The following KCNIP4 variants were observed in gnomAD, a reference collection of about 807,000 sequenced individuals.
KCNIP4 encodes potassium voltage-gated channel interacting protein 4, also known as Kv channel-interacting protein 4.
KCNIP4 carries 12 observed loss-of-function variants against 34.0 expected under a neutral mutation model. The observed-to-expected ratio is 0.35, with a 90% CI of 0.23 to 0.57. The LOEUF (loss-of-function observed/expected upper bound fraction) is 0.57, where lower values mean the gene tolerates loss of function less well. Among genes scored for constraint, KCNIP4 ranks in the 20% least tolerant of loss-of-function variants. The probability of loss-of-function intolerance (pLI) is 0.83; values close to 1 mark genes in which losing one functional copy is unlikely to be tolerated. For synonymous variants in KCNIP4, 124 were observed against 102.2 expected, an observed-to-expected ratio of 1.21 and a Z score of -1.29; for missense variants, 238 against 311.7, an observed-to-expected ratio of 0.76 and a Z score of 1.78.
intron 3 of KCNIP4, among the ~76,000 whole-genome samples, chr4:20,789,710 T>A (rs1190355149): frequency 6.6e-6 from 1 of 151,520 alleles, no homozygotes; most frequent in Non-Finnish European, 1.5e-5. Flanking sequence ...CAGGTTAGTT[T>A]TCCTGGCTGC....
chr4:21,724,372 G>GA (rs33946282), intron 1 of KCNIP4, among the ~76,000 whole-genome samples: 13,590 of 151,966 alleles, frequency 0.089, 2,045 homozygotes, highest in African/African-American at 0.31. Context: ...AATATTGTGG[G>GA]AAAAAAGTTA....
chr4:21,146,405 GAAAA>G (rs5856606), intron 1 of KCNIP4, among the ~76,000 whole-genome samples: 2 of 149,616 alleles, frequency 1.3e-5, no homozygotes, highest in African/African-American at 4.9e-5. Flanking sequence ...TCAAAAAAAA[GAAAA>G]AAAAAAGTGG....
At chr4:21,190,022 G>T (rs1027712589) in intron 1 of KCNIP4, among the ~76,000 whole-genome samples, 4 of 152,062 alleles carry the variant, frequency 2.6e-5, no homozygotes, top group South Asian at 2.1e-4. Context: ...AAGAAACAGG[G>T]TTTTTTTCAG....
At chr4:21,039,085 C>T (rs753516293) in intron 1 of KCNIP4, among the ~76,000 whole-genome samples, 6 of 152,080 alleles carry the variant, frequency 3.9e-5, no homozygotes, top group Non-Finnish European at 5.9e-5. Flanking sequence ...AGAGGCTGGG[C>T]GCGGTGGCTC....
At chr4:21,797,657 CT>C (rs1720711027) in intron 1 of KCNIP4, among the ~76,000 whole-genome samples, 1 of 152,038 alleles carries the variant, frequency 6.6e-6, no homozygotes, top group African/African-American at 2.4e-5. Flanking sequence ...TTTTGTTTCA[CT>C]TTTTTACTGG....
chr4:20,765,461 G>T (rs146937563), intron 3 of KCNIP4, among the ~76,000 whole-genome samples: 18 of 152,268 alleles, frequency 1.2e-4, no homozygotes, highest in Non-Finnish European at 2.4e-4. Context: ...ATTGTGCATT[G>T]TAGCTTGAGA....
intron 1 of KCNIP4, among the ~76,000 whole-genome samples, chr4:21,427,784 G>A (rs1226513295): frequency 1.3e-5 from 2 of 152,124 alleles, no homozygotes; most frequent in African/African-American, 4.8e-5. Flanking sequence ...AATGAATTTC[G>A]AGGAAGAGTT....
chr4:21,284,454 A>C (rs1192417125), intron 1 of KCNIP4, among the ~76,000 whole-genome samples: 1 of 152,188 alleles, frequency 6.6e-6, no homozygotes, highest in Non-Finnish European at 1.5e-5. Context: ...AATGAAGTTA[A>C]ATCAACTGAC....
chr4:20,818,918 CTCT>C (rs1560488280), intron 3 of KCNIP4, among the ~76,000 whole-genome samples: 1 of 134,932 alleles, frequency 7.4e-6, no homozygotes, highest in East Asian at 2.1e-4. Context: ...TATATATTAT[CTCT>C]TTTTTTTTTT....
chr4:21,230,008 G>A (rs2109018817), intron 1 of KCNIP4, among the ~76,000 whole-genome samples: 1 of 152,240 alleles, frequency 6.6e-6, no homozygotes, highest in Non-Finnish European at 1.5e-5. Flanking sequence ...AATCTTATTT[G>A]GAAATAGGGT....
chr4:21,628,119 T>C (rs923220628), intron 1 of KCNIP4, among the ~76,000 whole-genome samples: 1 of 152,152 alleles, frequency 6.6e-6, no homozygotes, highest in African/African-American at 2.4e-5. Context: ...TTACTTTACC[T>C]CATTTCAAAT....
At chr4:21,921,445 T>G (rs1201956953) in intron 1 of KCNIP4, among the ~76,000 whole-genome samples, 1 of 152,214 alleles carries the variant, frequency 6.6e-6, no homozygotes, top group Non-Finnish European at 1.5e-5. Context: ...TCCCAATCTC[T>G]ACTCTAAAAT....
chr4:21,722,835 C>T (rs1262749605), intron 1 of KCNIP4, among the ~76,000 whole-genome samples: 6 of 152,040 alleles, frequency 3.9e-5, no homozygotes, highest in Non-Finnish European at 7.4e-5. Context: ...TATTTTTGTG[C>T]CACTCTATGG....
rs534537886 is a variant in KCNIP4, at chr4:21,279,040, T to C, written c.62-396331A>G. On this transcript the variant is annotated intron_variant, in intron 1 of 8. Coordinates refer to ENST00000382152, the MANE Select transcript of KCNIP4 (RefSeq NM_025221.6). ...GAGAGGATAATCCTCATGTTCCATA[T>C]GTGGAAGACAGGTAATACCTGAAAT... Among the ~76,000 whole-genome samples, 93 of 152,266 alleles carry C rather than the reference T, an allele frequency of 6.1e-4. 1 individual carries two copies. In the South Asian group the frequency reaches 0.019, roughly 31 times the overall value.
intron 5 of KCNIP4, among the ~76,000 whole-genome samples, chr4:20,745,969 C>T (rs1390673551): frequency 1.3e-5 from 2 of 152,144 alleles, no homozygotes; most frequent in African/African-American, 2.4e-5. Flanking sequence ...AAGACTGTGG[C>T]GATTCCTCAA....
intron 5 of KCNIP4, among the ~76,000 whole-genome samples, chr4:20,742,798 T>C (rs1751459906): frequency 6.6e-6 from 1 of 152,126 alleles, no homozygotes; most frequent in African/African-American, 2.4e-5. Flanking sequence ...GATGACATGA[T>C]TGTATATTTA....
chr4:21,082,368 A>G (rs1746075253), intron 1 of KCNIP4, among the ~76,000 whole-genome samples: 1 of 151,782 alleles, frequency 6.6e-6, no homozygotes, highest in South Asian at 2.1e-4. Context: ...AGAACACCCC[A>G]GAGAATTTCT....
intron 1 of KCNIP4, among the ~76,000 whole-genome samples, chr4:20,924,729 C>G (rs1729729454): frequency 6.6e-6 from 1 of 152,144 alleles, no homozygotes; most frequent in Admixed American, 6.5e-5. Flanking sequence ...AATTTATCAT[C>G]TTTTAGAAAC....
rs181383624 is a variant in KCNIP4, at chr4:20,974,446, G to C, written c.62-91737C>G. On this transcript the variant is annotated intron_variant, in intron 1 of 8. Transcript: ENST00000382152. ...TCACTTAAAGCTGAAATGGAGGAAG[G>C]GTGGCACTTGTATAGGAGAAGGAGT... is the stretch of plus-strand genomic sequence containing the variant. 9.2e-5 allele frequency among the ~76,000 whole-genome samples: 14 copies of C among 152,186 alleles called. No individual in the cohort carries two copies. The East Asian group carries it at 2.5e-3, about 27-fold the overall frequency.
Sources: gnomAD v4.1 joint callset for allele counts (sites outside exome capture counted in the v4.1 genomes callset) on GRCh38, gnomAD v4.1.1 for gene constraint, MANE v1.5 for transcripts, NCBI Gene and HGNC (gene_info 2026-07-23, HGNC 2026-07-21) for gene names.